Variants in DENND11 observed in about 807,000 individuals in gnomAD.
DENND11 encodes the protein DENN domain-containing protein 11.
In DENND11, 34 loss-of-function variants were observed where a neutral mutation model predicts 49.2. That is an observed-to-expected ratio of 0.69 (90% confidence interval 0.53 to 0.92). The LOEUF (loss-of-function observed/expected upper bound fraction) is 0.92, where lower values mean the gene tolerates loss of function less well. Among genes scored for constraint, DENND11 ranks in the 40% least tolerant of loss-of-function variants. The probability of loss-of-function intolerance (pLI) is 0.00; values close to 1 mark genes in which losing one functional copy is unlikely to be tolerated. For synonymous variants in DENND11, 238 were observed against 230.3 expected, an observed-to-expected ratio of 1.03 and a Z score of -0.30; for missense variants, 475 against 581.6, an observed-to-expected ratio of 0.82 and a Z score of 1.88.
In DENND11 at chr7:141,664,163, A is replaced by G. The variant is rs1464393921; in HGVS notation, c.1172+9T>C. 2.5e-6 allele frequency: 4 copies of G among 1,571,846 alleles called. No individual in the cohort carries two copies. The East Asian group carries it at 9.3e-5, about 37-fold the overall frequency. On this transcript the variant is annotated intron_variant, in intron 8 of 8. Transcript: ENST00000536163. ...AGGGAGACTCCACATCCACGGCCCC[A>G]GGACTCACAGCACGAAGAGGTCCTC...
rs1797768710 is a variant in DENND11 at position 141,660,278 on chromosome 7, G to A, written c.*2378C>T. ...AATCTCTCTTAAAGGGAGAAGTTCTGCATTGGGGTCAGCTGAGCCCAAGGC... is the reference window on the plus strand; with the variant it reads ...AATCTCTCTTAAAGGGAGAAGTTCTACATTGGGGTCAGCTGAGCCCAAGGC... On this transcript the variant is annotated 3_prime_UTR_variant, in exon 9 of 9. Coordinates refer to ENST00000536163, the MANE Select transcript of DENND11 (RefSeq NM_001080392.2). 6.6e-6 allele frequency: 1 copy of A among 152,222 alleles called. No individual in the cohort carries two copies. The highest frequency in any genetic ancestry group is 2.4e-5 in the African/African-American group (1 of 41,434). The allele number at this position is 152,222 out of a possible 1,614,324, so 9.4% of individuals were successfully genotyped here. A position where few individuals can be genotyped will look rare whatever the true frequency, so the allele number is the denominator to read the frequency against.
rs893794875 is a variant in DENND11, at chr7:141,664,071, C to T, written c.1172+101G>A. 2.9e-5 allele frequency: 29 copies of T among 1,004,416 alleles called. No homozygotes were observed. The African/African-American group carries it at 3.3e-4, about 12-fold the overall frequency. 62.2% of individuals were successfully genotyped at this position (1,004,416 alleles called of 1,614,324 possible). A position where few individuals can be genotyped will look rare whatever the true frequency, so the allele number is the denominator to read the frequency against. ...TCTAAGTGCCCTTGGCAGCAATAAA[C>T]GGCATCCCTGGCCCGCAGTGAATGA... On this transcript the variant is annotated intron_variant, in intron 8 of 8. Coordinates refer to ENST00000536163, the MANE Select transcript of DENND11 (RefSeq NM_001080392.2).
At chr7:141,698,859 G>A (rs1798457261) in intron 1 of DENND11, among the ~76,000 whole-genome samples, 2 of 150,932 alleles carry the variant, frequency 1.3e-5, no homozygotes, top group Admixed American at 1.3e-4. Flanking sequence ...CACACACACT[G>A]ATTTGGACAC....
intron 3 of DENND11, among the ~76,000 whole-genome samples, chr7:141,680,223 G>A (rs1445197059): frequency 1.3e-5 from 2 of 152,070 alleles, no homozygotes; most frequent in African/African-American, 2.4e-5. Flanking sequence ...CTGAAAACAA[G>A]GAAGAAACTC....
At chr7:141,696,542 G>A (rs762243364) in intron 1 of DENND11, among the ~76,000 whole-genome samples, 1 of 152,212 alleles carries the variant, frequency 6.6e-6, no homozygotes, top group Non-Finnish European at 1.5e-5. Flanking sequence ...GACTGCCTCA[G>A]CTGGAGATCC....
At chr7:141,669,599 A>G (rs1797946368) in intron 4 of DENND11, among the ~76,000 whole-genome samples, 2 of 152,066 alleles carry the variant, frequency 1.3e-5, no homozygotes, top group South Asian at 4.1e-4. Context: ...TGAATTATAT[A>G]CGTATGATTT....
chr7:141,668,511 G>T (rs1797929172), intron 4 of DENND11, among the ~76,000 whole-genome samples: 1 of 152,192 alleles, frequency 6.6e-6, no homozygotes, highest in Non-Finnish European at 1.5e-5. Context: ...GCTTGAATCT[G>T]GGAGGCAGAG....
intron 4 of DENND11, among the ~76,000 whole-genome samples, chr7:141,670,091 T>C (rs1797956986): frequency 6.6e-6 from 1 of 150,922 alleles, no homozygotes; most frequent in African/African-American, 2.5e-5. Flanking sequence ...ATTACAGGCG[T>C]GAGCCACCGC....
chr7:141,667,614 A>G (rs1797914882), intron 4 of DENND11, among the ~76,000 whole-genome samples: 1 of 152,134 alleles, frequency 6.6e-6, no homozygotes, highest in African/African-American at 2.4e-5. Flanking sequence ...AGAGCTCATC[A>G]CCCATCAGGG....
chr7:141,678,254 C>T (rs965688526), intron 3 of DENND11, among the ~76,000 whole-genome samples: 6 of 152,092 alleles, frequency 3.9e-5, no homozygotes, highest in African/African-American at 9.7e-5. Flanking sequence ...TGAGCCACTG[C>T]GCCCGGCCAA....
intron 1 of DENND11, among the ~76,000 whole-genome samples, chr7:141,688,159 T>G (rs1798273750): frequency 6.6e-6 from 1 of 152,074 alleles, no homozygotes; most frequent in East Asian, 1.9e-4. Context: ...TTATCTAGAG[T>G]CTTGAGAGAA....
chr7:141,671,160 G>A (rs552079291), intron 4 of DENND11, among the ~76,000 whole-genome samples: 1 of 152,158 alleles, frequency 6.6e-6, no homozygotes, highest in East Asian at 1.9e-4. Context: ...TAAGGTTGCT[G>A]AAACAAAAGG....
At chr7:141,701,667 C>G (rs1041318061) in intron 1 of DENND11, 2 of 287,824 alleles carry the variant, frequency 6.9e-6, no homozygotes, top group Non-Finnish European at 1.3e-5. Context: ...GGGGCCGCTC[C>G]GAGAGGCCGC....
chr7:141,685,053 TATA>T (rs1798216007), intron 3 of DENND11, among the ~76,000 whole-genome samples: 3 of 140,664 alleles, frequency 2.1e-5, no homozygotes, highest in African/African-American at 7.8e-5. Flanking sequence ...TATATATATA[TATA>T]TATTTTTAAG....
intron 3 of DENND11, among the ~76,000 whole-genome samples, chr7:141,684,950 G>A (rs1798209303): frequency 7.0e-6 from 1 of 142,670 alleles, no homozygotes; most frequent in African/African-American, 2.6e-5. Context: ...TGAGGCAGGA[G>A]GATCACTTGA....
In DENND11 at chr7:141,659,939, T is replaced by C. The variant is rs964321708; in HGVS notation, c.*2717A>G. 1.3e-5 allele frequency: 2 copies of C among 152,146 alleles called. No individual in the cohort carries two copies. Among genetic ancestry groups the C allele is most frequent in the African/African-American group, 4.8e-5 (2 of 41,422 alleles). 9.4% of individuals were successfully genotyped at this position (152,146 alleles called of 1,614,324 possible). A position where few individuals can be genotyped will look rare whatever the true frequency, so the allele number is the denominator to read the frequency against. On this transcript the variant is annotated 3_prime_UTR_variant, in exon 9 of 9. Coordinates refer to ENST00000536163, the MANE Select transcript of DENND11 (RefSeq NM_001080392.2). ...ATTTCAAGACTGGCAGAAAAGCAGG[T>C]CCACATGGCTCCTAGCTTCTGCTGC...
intron 3 of DENND11, among the ~76,000 whole-genome samples, chr7:141,678,103 A>G (rs1316577178): frequency 6.6e-6 from 1 of 151,968 alleles, no homozygotes; most frequent in African/African-American, 2.4e-5. Flanking sequence ...CTGGGACTAC[A>G]GGTGCACACT....
chr7:141,701,862 G>T (rs2117089287), intron 1 of DENND11, 24 bp downstream of exon 1: 2 of 1,174,692 alleles, frequency 1.7e-6, no homozygotes, highest in East Asian at 7.5e-5. Context: ...CTCCCCACGC[G>T]CCTGGCCCCG....
rs1797722672 is a variant in DENND11 at position 141,657,893 on chromosome 7, CCT to C, written c.*4761_*4762del. 2 of 152,610 alleles carry C rather than the reference CCT, an allele frequency of 1.3e-5. No individual in the cohort carries two copies. The highest frequency in any genetic ancestry group is 1.9e-4 in the East Asian group (1 of 5,192). The allele number at this position is 152,610 out of a possible 1,614,324, so 9.5% of individuals were successfully genotyped here. A position where few individuals can be genotyped will look rare whatever the true frequency, so the allele number is the denominator to read the frequency against. Reference sequence around the variant, plus strand: ...GTTATAACACTACCTCCCACTCCCACCTCTCTCAAGAAAGAGGCCTAAAAATA... The same window carrying C: ...GTTATAACACTACCTCCCACTCCCACCTCTCAAGAAAGAGGCCTAAAAATA... On this transcript the variant is annotated 3_prime_UTR_variant, in exon 9 of 9. Coordinates refer to ENST00000536163, the MANE Select transcript of DENND11 (RefSeq NM_001080392.2).
Sources: allele counts gnomAD v4.1 joint callset (sites outside exome capture counted in the v4.1 genomes callset), GRCh38; gene constraint gnomAD v4.1.1; transcripts MANE v1.5; gene names NCBI Gene and HGNC (gene_info 2026-07-23, HGNC 2026-07-21).